Variants in PPIP5K2 observed in about 807,000 individuals in gnomAD.
PPIP5K2 encodes diphosphoinositol pentakisphosphate kinase 2.
PPIP5K2 carries 105 observed loss-of-function variants against 154.6 expected under a neutral mutation model. The observed-to-expected ratio is 0.68, with a 90% CI of 0.58 to 0.80. PPIP5K2 has a LOEUF of 0.80. Ranked by LOEUF, PPIP5K2 falls within the 30% of genes least tolerant of loss-of-function variation. PPIP5K2 has a pLI of 0.00. For synonymous variants in PPIP5K2, 480 were observed against 490.3 expected (o/e 0.98, Z 0.28); for missense variants, 992 against 1,504.6 (o/e 0.66, Z 5.64).
intron 13 of PPIP5K2, 127 bp downstream of exon 13, chr5:103,155,070 A>G: frequency 2.1e-6 from 1 of 480,714 alleles, no homozygotes. Context: ...TAGTTGAGAC[A>G]TGAAGGAAAA....
rs1204880603 is a variant in PPIP5K2, at chr5:103,160,957, C to CT, written c.1920+1641dup. Among the ~76,000 whole-genome samples the CT allele has an allele frequency of 4.3e-3, 601 of 138,944 alleles. 2 individuals are homozygous for CT. The highest frequency in any genetic ancestry group is 0.014 in the African/African-American group (540 of 38,020). 91.2% of individuals were successfully genotyped at this position (138,944 alleles called of 152,430 possible). ...TTTTTTTCTTTTTTGTCTTTTCATTCTTTTTTTTTTTTAAATTATACTTTA... is the reference window on the plus strand; with the variant it reads ...TTTTTTTCTTTTTTGTCTTTTCATTCTTTTTTTTTTTTTAAATTATACTTTA... On this transcript the variant is annotated intron_variant, in intron 17 of 30. Transcript: ENST00000358359.
At chr5:103,122,457 C>G (rs1306755261) in intron 1 of PPIP5K2, among the ~76,000 whole-genome samples, 1 of 151,948 alleles carries the variant, frequency 6.6e-6, no homozygotes, top group Non-Finnish European at 1.5e-5. Context: ...GCAGGTTCAG[C>G]AAAAAGATAT....
chr5:103,183,121 ATTTTT>A, intron 24 of PPIP5K2, 108 bp from the exon 25 acceptor site: 1 of 860,128 alleles, frequency 1.2e-6, no homozygotes, highest in Non-Finnish European at 1.5e-6. Flanking sequence ...AACAAACTGT[ATTTTT>A]TTTTCTTTCT....
At chr5:103,184,650 T>A in intron 25 of PPIP5K2, 22 bp from the exon 26 acceptor site, 1 of 1,582,934 alleles carries the variant, frequency 6.3e-7, no homozygotes, top group Non-Finnish European at 8.7e-7. Flanking sequence ...TTTACTTCAT[T>A]TATTTTGGAT....
At chr5:103,185,132 A>G (rs2149772138) in intron 26 of PPIP5K2, among the ~76,000 whole-genome samples, 1 of 152,280 alleles carries the variant, frequency 6.6e-6, no homozygotes, top group South Asian at 2.1e-4. Context: ...TTTAAAGTAC[A>G]GAATACTTCA....
chr5:103,177,742 A>T lies in PPIP5K2; in HGVS notation c.2605A>T (p.Ile869Phe). Reference protein sequence around the residue: ...VVNELNYMTQIVIMLYEDPNK... With the variant: ...VVNELNYMTQFVIMLYEDPNK... ...CAATGAGCTCAACTACATGACTCAG[A>T]TTGTTATCATGCTTTATGAGGATCC... The change falls in exon 22 of 31, where the codon ATT becomes TTT. Residue 869 changes from isoleucine (I) to phenylalanine (F), a missense_variant. Physicochemically the swap from Ile to Phe is conservative, Grantham distance 21. This residue lies in a region of PPIP5K2 where 157 missense variants were observed against 281.2 expected (regional missense o/e 0.56). Transcript: ENST00000358359. 1 of 1,611,858 alleles carries T rather than the reference A, an allele frequency of 6.2e-7. No homozygotes were observed. Among genetic ancestry groups the T allele is most frequent in the Non-Finnish European group, 8.5e-7 (1 of 1,178,704 alleles).
At chr5:103,155,787 A>T in intron 13 of PPIP5K2, 122 bp from the exon 14 acceptor site, 6 of 707,102 alleles carry the variant, frequency 8.5e-6, no homozygotes, top group Non-Finnish European at 1.5e-5. Context: ...ATATGGTACA[A>T]TTTTTTTTTG....
intron 1 of PPIP5K2, among the ~76,000 whole-genome samples, chr5:103,127,895 A>G (rs1789967853): frequency 6.6e-6 from 1 of 152,028 alleles, no homozygotes; most frequent in African/African-American, 2.4e-5. Flanking sequence ...AGATCAACTT[A>G]TCCACCAACA....
intron 28 of PPIP5K2, among the ~76,000 whole-genome samples, chr5:103,187,685 T>A (rs1290904048): frequency 6.6e-6 from 1 of 152,176 alleles, no homozygotes; most frequent in Non-Finnish European, 1.5e-5. Flanking sequence ...CACAAATTTT[T>A]AAATTATAAT....
At chr5:103,155,863 A>T in intron 13 of PPIP5K2, 46 bp from the exon 14 acceptor site, 1 of 1,207,536 alleles carries the variant, frequency 8.3e-7, no homozygotes, top group Non-Finnish European at 1.2e-6. Flanking sequence ...TGTGAGAATT[A>T]GTTTTTCCCT....
rs187948688 is a variant in PPIP5K2 at position 103,120,624 on chromosome 5, G to A, written c.-285+136G>A. ...CATGCTCCACCGAGGGGCTTGTGCT[G>A]GAGAGAATGACAGCCTGGGCGTGGA... On this transcript the variant is annotated intron_variant, in intron 1 of 30. Coordinates refer to ENST00000358359, the MANE Select transcript of PPIP5K2 (RefSeq NM_001276277.3). 7.9e-5 allele frequency: 31 copies of A among 394,678 alleles called. No homozygotes were observed. In the East Asian group the frequency reaches 2.2e-3, roughly 28 times the overall value. The allele number at this position is 394,678 out of a possible 1,614,324, so 24.4% of individuals were successfully genotyped here.
chr5:103,170,010 CTTAT>C (rs1465530260), intron 19 of PPIP5K2, among the ~76,000 whole-genome samples: 1 of 151,454 alleles, frequency 6.6e-6, no homozygotes. Flanking sequence ...CATTGCATTG[CTTAT>C]TTAATCTCAC....
chr5:103,189,054 C>T, intron 28 of PPIP5K2: 4 of 650,446 alleles, frequency 6.1e-6, no homozygotes, highest in African/African-American at 1.9e-5. Context: ...ATGTTATTTC[C>T]ATCTTTAACA....
intron 24 of PPIP5K2, 118 bp downstream of exon 24, chr5:103,180,306 T>A: frequency 1.3e-6 from 1 of 744,970 alleles, no homozygotes; most frequent in South Asian, 3.5e-5. Context: ...TTTTTAAATG[T>A]TATTTAATCT....
chr5:103,193,123 C>G (rs1248717781), intron 29 of PPIP5K2, among the ~76,000 whole-genome samples: 1 of 151,986 alleles, frequency 6.6e-6, no homozygotes, highest in Non-Finnish European at 1.5e-5. Flanking sequence ...CGTAGAAAGA[C>G]ACAGTTGAGG....
intron 24 of PPIP5K2, among the ~76,000 whole-genome samples, chr5:103,181,307 C>T (rs1035051101): frequency 6.6e-6 from 1 of 152,050 alleles, no homozygotes; most frequent in Non-Finnish European, 1.5e-5. Context: ...GTGGCTCATG[C>T]CTGTAAACCT....
intron 2 of PPIP5K2, among the ~76,000 whole-genome samples, chr5:103,132,914 C>T (rs1296240403): frequency 2.0e-5 from 3 of 152,158 alleles, no homozygotes; most frequent in African/African-American, 7.2e-5. Flanking sequence ...ACTATGAAGA[C>T]AGGAGGGGCA....
chr5:103,141,951 C>T (rs1426261115), intron 5 of PPIP5K2, among the ~76,000 whole-genome samples: 1 of 152,230 alleles, frequency 6.6e-6, no homozygotes, highest in Non-Finnish European at 1.5e-5. Flanking sequence ...CCACCAGACT[C>T]AGGAGCCCAG....
intron 29 of PPIP5K2, 58 bp downstream of exon 29, chr5:103,191,040 G>A: frequency 6.7e-7 from 1 of 1,483,650 alleles, no homozygotes; most frequent in Non-Finnish European, 9.2e-7. Flanking sequence ...CATACTATCT[G>A]AGTATAACAG....
Sources: allele counts gnomAD v4.1 joint callset (sites outside exome capture counted in the v4.1 genomes callset), GRCh38; gene constraint gnomAD v4.1.1; regional missense constraint gnomAD v4.1.1; transcripts MANE v1.5; gene names NCBI Gene and HGNC (gene_info 2026-07-23, HGNC 2026-07-21).